GOLGA4: variants seen among roughly 807,000 people sequenced by gnomAD.
GOLGA4 encodes golgin A4, also known as golgin subfamily A member 4.
GOLGA4 carries 169 observed loss-of-function variants against 265.9 expected under a neutral mutation model. That is an observed-to-expected ratio of 0.64 (90% confidence interval 0.56 to 0.72). GOLGA4 has a LOEUF of 0.72. GOLGA4 is among the 30% of genes least tolerant of loss of function. The probability of loss-of-function intolerance (pLI) is 0.00; values close to 1 mark genes in which losing one functional copy is unlikely to be tolerated. For missense variants in GOLGA4, 2,482 were observed against 2,483.4 expected, an observed-to-expected ratio of 1.00 and a Z score of 0.01; for synonymous variants, 923 against 855.8, an observed-to-expected ratio of 1.08 and a Z score of -1.37.
chr3:37,307,494 G>A (rs1185612626), intron 10 of GOLGA4, among the ~76,000 whole-genome samples: 3 of 152,080 alleles, frequency 2.0e-5, no homozygotes, highest in Non-Finnish European at 4.4e-5. Context: ...TTATTTTTGT[G>A]CATCCACACA....
intron 10 of GOLGA4, 72 bp downstream of exon 10, chr3:37,302,404 A>T (rs552654083): frequency 1.1e-5 from 14 of 1,303,224 alleles, no homozygotes; most frequent in Non-Finnish European, 1.4e-5. Context: ...CAGTATTTTT[A>T]AAAATGAGTT....
At position 37,315,553 on chromosome 3, in the gene GOLGA4, A is replaced by G. The variant is rs1467467947; in HGVS notation, c.1368A>G (p.Gln456=). 1 of 1,614,040 alleles carries G rather than the reference A, an allele frequency of 6.2e-7. No homozygotes were observed. Among genetic ancestry groups the G allele is most frequent in the South Asian group, 1.1e-5 (1 of 91,080 alleles). The part of the protein sequence containing the change: ...KTSEEERISL[Q]QELSRVKQEV... ...GTGAGGAGGAACGCATCAGTCTTCA[A>G]CAGGAATTAAGTCGGGTGAAACAGG... The change falls in exon 11 of 24, where the codon CAA becomes CAG. Residue 456 remains glutamine (Q), a synonymous_variant. Transcript: ENST00000361924.
chr3:37,296,103 A>G lies in GOLGA4; in HGVS notation c.698A>G (p.Gln233Arg), dbSNP rs1235691512. Reference protein sequence around the residue: ...VLQTQVSLLKQRLRNGPMNVD... With the variant: ...VLQTQVSLLKRRLRNGPMNVD... Reference sequence around the variant, plus strand: ...TTATATTAGGTTTCTCTACTGAAACAACGATTACGAAATGGCCCGATGAAT... The same window carrying G: ...TTATATTAGGTTTCTCTACTGAAACGACGATTACGAAATGGCCCGATGAAT... The change falls in exon 7 of 24, where the codon CAA becomes CGA. Residue 233 changes from glutamine to arginine, a missense_variant. Coordinates refer to ENST00000361924, the MANE Select transcript of GOLGA4 (RefSeq NM_002078.5). 12 of 1,613,910 alleles carry G rather than the reference A, an allele frequency of 7.4e-6. No homozygotes were observed. Among genetic ancestry groups the G allele is most frequent in the African/African-American group, 1.3e-5 (1 of 74,940 alleles).
intron 21 of GOLGA4, among the ~76,000 whole-genome samples, chr3:37,347,944 G>A (rs1368900537): frequency 2.0e-5 from 3 of 152,126 alleles, no homozygotes; most frequent in Non-Finnish European, 4.4e-5. Flanking sequence ...AATGCTTCTA[G>A]GGAAATTCAT....
chr3:37,352,793 C>T (rs1349604505), intron 21 of GOLGA4, among the ~76,000 whole-genome samples: 3 of 152,026 alleles, frequency 2.0e-5, no homozygotes, highest in East Asian at 1.9e-4. Flanking sequence ...CATTCTGATT[C>T]GTGTGTTCAC....
At position 37,275,593 on chromosome 3, in the gene GOLGA4, G is replaced by T. The variant is rs376078749; in HGVS notation, c.163-6365G>T. On this transcript the variant is annotated intron_variant, in intron 2 of 23. Transcript: ENST00000361924. Reference sequence around the variant, plus strand: ...TAGGCCCGGGCCTGCGGTGGTGGGGGTTGCTGCGCGCCGGGGGTCGCTCCT... The same window carrying T: ...TAGGCCCGGGCCTGCGGTGGTGGGGTTTGCTGCGCGCCGGGGGTCGCTCCT... 4.5e-5 allele frequency: 61 copies of T among 1,368,122 alleles called. No individual in the cohort carries two copies. In the East Asian group the frequency reaches 5.5e-4, roughly 12 times the overall value. The allele number at this position is 1,368,122 out of a possible 1,614,324, so 84.7% of individuals were successfully genotyped here.
At position 37,315,589 on chromosome 3, in the gene GOLGA4, T is replaced by G. The variant is rs1415198060; in HGVS notation, c.1404T>G (p.Asp468Glu). ...ELSRVKQEVV[D>E]VMKKSSEEQI... ...GTCGGGTGAAACAGGAGGTTGTTGA[T>G]GTAATGAAAGTAAGAATAATTCTGT... Residue 468 changes from aspartate to glutamate, a missense_variant, in exon 11 of 24, where the codon GAT becomes GAG. Physicochemically the swap from Asp to Glu is conservative, Grantham distance 45. This residue lies in a region of GOLGA4 where 1,536 missense variants were observed against 1,483.7 expected (regional missense o/e 1.04). Coordinates refer to ENST00000361924, the MANE Select transcript of GOLGA4 (RefSeq NM_002078.5). 6.2e-7 allele frequency: 1 copy of G among 1,612,200 alleles called. No homozygotes were observed. Among genetic ancestry groups the G allele is most frequent in the Middle Eastern group, 1.6e-4 (1 of 6,080 alleles).
chr3:37,268,593 CT>C (rs1343817782), intron 2 of GOLGA4, among the ~76,000 whole-genome samples: 1 of 151,308 alleles, frequency 6.6e-6, no homozygotes, highest in Admixed American at 6.6e-5. Flanking sequence ...TGAGAGAGAA[CT>C]TTTTTTTTCT....
intron 11 of GOLGA4, among the ~76,000 whole-genome samples, chr3:37,317,061 A>C (rs993810185): frequency 6.6e-6 from 1 of 152,170 alleles, no homozygotes; most frequent in Admixed American, 6.5e-5. Flanking sequence ...TTTATTTTAA[A>C]GGCTGCTCAA....
chr3:37,286,633 G>C (rs915467140), intron 4 of GOLGA4, among the ~76,000 whole-genome samples: 1 of 152,058 alleles, frequency 6.6e-6, no homozygotes, highest in Non-Finnish European at 1.5e-5. Flanking sequence ...TAAGAAGTTA[G>C]GATTTACAGC....
intron 21 of GOLGA4, among the ~76,000 whole-genome samples, chr3:37,352,027 G>A (rs2097076153): frequency 6.6e-6 from 1 of 152,042 alleles, no homozygotes. Context: ...TCTTCAAATA[G>A]AAGGCTGTTT....
chr3:37,337,223 T>C (rs2097017082), intron 18 of GOLGA4, 60 bp downstream of exon 18: 1 of 915,946 alleles, frequency 1.1e-6, no homozygotes, highest in African/African-American at 1.7e-5. Context: ...ATTCTCACTC[T>C]GTTGCCCAGG....
intron 2 of GOLGA4, among the ~76,000 whole-genome samples, chr3:37,260,386 C>T (rs994108422): frequency 1.3e-5 from 2 of 150,874 alleles, no homozygotes; most frequent in Non-Finnish European, 3.0e-5. Flanking sequence ...CCTAGGAAGG[C>T]CGAGTAGGGT....
chr3:37,272,922 T>C (rs1362238788), intron 2 of GOLGA4, among the ~76,000 whole-genome samples: 1 of 152,160 alleles, frequency 6.6e-6, no homozygotes, highest in East Asian at 1.9e-4. Flanking sequence ...TCTATGCCAG[T>C]ATGATGTAAT....
At chr3:37,337,282 C>G (rs1320496743) in intron 18 of GOLGA4, 119 bp downstream of exon 18, 2 of 641,888 alleles carry the variant, frequency 3.1e-6, no homozygotes, top group African/African-American at 1.8e-5. Flanking sequence ...TCACTGCAAC[C>G]TCTGCCTCCT....
intron 22 of GOLGA4, among the ~76,000 whole-genome samples, chr3:37,356,986 A>G (rs2097092509): frequency 6.6e-6 from 1 of 152,160 alleles, no homozygotes; most frequent in Non-Finnish European, 1.5e-5. Context: ...ATACACATGT[A>G]GTCTTTGGTT....
At chr3:37,338,718 A>G (rs185239624) in intron 19 of GOLGA4, among the ~76,000 whole-genome samples, 3 of 152,258 alleles carry the variant, frequency 2.0e-5, no homozygotes, top group African/African-American at 4.8e-5. Flanking sequence ...AGGAAACTCC[A>G]TACCCATTAA....
At chr3:37,277,134 T>C (rs2096821575) in intron 2 of GOLGA4, among the ~76,000 whole-genome samples, 2 of 152,190 alleles carry the variant, frequency 1.3e-5, no homozygotes, top group African/African-American at 2.4e-5. Context: ...TTGATTTTAA[T>C]TATTATGTTC....
intron 23 of GOLGA4, among the ~76,000 whole-genome samples, chr3:37,361,690 G>T (rs1696286202): frequency 6.6e-6 from 1 of 152,202 alleles, no homozygotes; most frequent in African/African-American, 2.4e-5. Context: ...AGATAAAAAT[G>T]AAGTGGTATA....
Sources: gnomAD v4.1 joint callset for allele counts (sites outside exome capture counted in the v4.1 genomes callset) on GRCh38, gnomAD v4.1.1 for gene constraint, gnomAD v4.1.1 regional missense constraint, MANE v1.5 for transcripts, NCBI Gene and HGNC (gene_info 2026-07-23, HGNC 2026-07-21) for gene names.